SHANK1: variants seen among roughly 807,000 people sequenced by gnomAD.
The protein encoded by SHANK1 is SH3 and multiple ankyrin repeat domains 1.
SHANK1 carries 35 observed loss-of-function variants against 165.6 expected under a neutral mutation model. The ratio of observed to expected loss-of-function variants is 0.21; its 90% confidence interval spans 0.16 to 0.28. The LOEUF (loss-of-function observed/expected upper bound fraction) is 0.28, where lower values mean the gene tolerates loss of function less well. Among genes scored for constraint, SHANK1 ranks in the 10% least tolerant of loss-of-function variants. The pLI is 1.00. For synonymous variants in SHANK1, 1,428 were observed against 1,384.8 expected (o/e 1.03, Z -0.69); for missense variants, 2,681 against 3,036.4 (o/e 0.88, Z 2.75).
At chr19:50,669,772 T>TA (rs398041052) in intron 22 of SHANK1, among the ~76,000 whole-genome samples, 45,849 of 147,316 alleles carry the variant, frequency 0.31, 7,985 homozygotes, top group African/African-American at 0.49. Flanking sequence ...ATTGGATCTA[T>TA]AAAAAAAAAA....
At position 50,669,061 on chromosome 19, in the gene SHANK1, G is replaced by T; in HGVS notation, c.2899C>A (p.Pro967Thr). ...GSGGPLPASS[P>T]ASFDGPSPPD... The stretch of plus-strand genomic sequence containing the variant: ...GGGGAGGGCCCGTCAAAGGATGCAG[G>T]GGAGGAGGCGGGGAGGGGGCCACCA... The change falls in exon 23 of 24, where the codon CCT becomes ACT. Residue 967 changes from proline (P) to threonine (T), a missense_variant. By Grantham distance (38) the Pro-to-Thr change is conservative. Around this residue, in one of 10 missense-constraint regions of SHANK1, gnomAD observed 1,713 missense variants for 1,630.2 expected, o/e 1.05. Transcript: ENST00000293441. 2 of 1,078,060 alleles carry T rather than the reference G, an allele frequency of 1.9e-6. No homozygotes were observed. The highest frequency in any genetic ancestry group is 2.6e-6 in the Non-Finnish European group (2 of 764,414). The allele number at this position is 1,078,060 out of a possible 1,614,324, so 66.8% of individuals were successfully genotyped here.
At chr19:50,663,992 T>G (rs1293834745) in intron 23 of SHANK1, among the ~76,000 whole-genome samples, 2 of 145,628 alleles carry the variant, frequency 1.4e-5, no homozygotes, top group Non-Finnish European at 3.0e-5. Flanking sequence ...CAGGCTGCAG[T>G]GCCTTGGTGT....
chr19:50,673,950 T>C (rs1599845258), intron 21 of SHANK1, among the ~76,000 whole-genome samples: 1 of 151,492 alleles, frequency 6.6e-6, no homozygotes, highest in East Asian at 2.0e-4. Flanking sequence ...CACAATCACA[T>C]CCAGTTAATT....
At chr19:50,719,281 A>AC (rs907506951) in intron 1 of SHANK1, 125 bp downstream of exon 1, 3 of 150,838 alleles carry the variant, frequency 2.0e-5, no homozygotes, top group African/African-American at 7.3e-5. Context: ...CCTCACCCGT[A>AC]CCCCCAGCCG....
Position 50,667,651 on chromosome 19 carries a change from G to T in SHANK1, c.4309C>A (p.Pro1437Thr). The change falls in exon 23 of 24, where the codon CCG (proline) becomes ACG (threonine). Residue 1437 changes from proline to threonine, a missense_variant. Around this residue, in one of 10 missense-constraint regions of SHANK1, gnomAD observed 1,713 missense variants for 1,630.2 expected, o/e 1.05. Transcript: ENST00000293441. This position sits in a 1 kb window ranked among gnomAD's most constrained non-coding sequence, Gnocchi z 5.7. ...GSQEKSLPAS[P>T]PAARRSLLHR... ...AGCAGGGAACGCCGGGCGGCGGGCGGGCTGGCGGGAAGGGACTTCTCCTGG... is the reference window on the plus strand; with the variant it reads ...AGCAGGGAACGCCGGGCGGCGGGCGTGCTGGCGGGAAGGGACTTCTCCTGG... 2 of 1,407,686 alleles carry T rather than the reference G, an allele frequency of 1.4e-6. No individual in the cohort carries two copies. Among genetic ancestry groups the T allele is most frequent in the Non-Finnish European group, 1.8e-6 (2 of 1,090,544 alleles). 87.2% of individuals were successfully genotyped at this position (1,407,686 alleles called of 1,614,324 possible).
At chr19:50,707,150 C>T (rs879726621) in intron 8 of SHANK1, among the ~76,000 whole-genome samples, 1 of 152,194 alleles carries the variant, frequency 6.6e-6, no homozygotes, top group Non-Finnish European at 1.5e-5. Flanking sequence ...TCATTTTCTT[C>T]GTAACCCCGT....
rs1283922064 is a variant in SHANK1, at chr19:50,688,565, C to A, written c.2172+279G>T. 2.0e-5 allele frequency among the ~76,000 whole-genome samples: 3 copies of A among 152,186 alleles called. No individual in the cohort carries two copies. Among genetic ancestry groups the A allele is most frequent in the Non-Finnish European group, 4.4e-5 (3 of 68,030 alleles). ...TCAAGCAATCCACCTGCTTCAGCCT[C>A]CCAAAGCACTGGGATCACAGGCGTG... is the stretch of plus-strand genomic sequence containing the variant. On this transcript the variant is annotated intron_variant, in intron 17 of 23. Transcript: ENST00000293441. This position sits in a 1 kb window ranked among gnomAD's most constrained non-coding sequence, Gnocchi z 6.7.
intron 8 of SHANK1, among the ~76,000 whole-genome samples, chr19:50,708,271 C>T (rs529893232): frequency 1.3e-5 from 2 of 152,198 alleles, no homozygotes; most frequent in Admixed American, 6.5e-5. Flanking sequence ...AGCCCCAACA[C>T]CCACACTGGG....
rs530651818 is a variant in SHANK1, at chr19:50,708,440, A to G, written c.1077+2931T>C. Among the ~76,000 whole-genome samples the G allele has an allele frequency of 7.9e-5, 12 of 152,200 alleles. No individual in the cohort carries two copies. In the South Asian group the frequency reaches 2.5e-3, roughly 32 times the overall value. Reference sequence around the variant, plus strand: ...CTAGCACTTATCTCATGTCGTAGCCATGATTTGCTTACACGTCTGCCTCCT... The same window carrying G: ...CTAGCACTTATCTCATGTCGTAGCCGTGATTTGCTTACACGTCTGCCTCCT... On this transcript the variant is annotated intron_variant, in intron 8 of 23. Transcript: ENST00000293441.
In SHANK1 at chr19:50,712,067, C is replaced by T. The variant is rs202030259; in HGVS notation, c.840G>A (p.Gly280=). 8 of 1,611,932 alleles carry T rather than the reference C, an allele frequency of 5.0e-6. No homozygotes were observed. The African/African-American group carries it at 5.3e-5, about 11-fold the overall frequency. Residue 280 remains glycine, a synonymous_variant, in exon 7 of 24, where the codon GGG becomes GGA. Transcript: ENST00000293441. ...GGSPNYKDRR[G]LTPLFHTAMV... ...TGGCCGTGTGGAACAGAGGGGTCAG[C>T]CCCCGACGGTCCTTGTAGTTGGGGG...
At position 50,716,353 on chromosome 19, in the gene SHANK1, G is replaced by A. The variant is rs377430056; in HGVS notation, c.381C>T (p.Arg127=). 19 of 1,614,080 alleles carry A rather than the reference G, an allele frequency of 1.2e-5. No individual in the cohort carries two copies. Among genetic ancestry groups the A allele is most frequent in the East Asian group, 4.5e-5 (2 of 44,886 alleles). ...TCTCCTCCTCCAGGAAGTTGGCATCGCGGCCGGAGGTGGCCGGTTGGAACA... is the reference window on the plus strand; with the variant it reads ...TCTCCTCCTCCAGGAAGTTGGCATCACGGCCGGAGGTGGCCGGTTGGAACA... ...YGLFQPATSG[R]DANFLEEERL... Residue 127 remains arginine, a synonymous_variant, in exon 3 of 24, where the codon CGC becomes CGT. Coordinates refer to ENST00000293441, the MANE Select transcript of SHANK1 (RefSeq NM_016148.5). The surrounding 1 kb of genome is among the most constrained non-coding windows in gnomAD (Gnocchi z 8.4).
chr19:50,669,045 C>T lies in SHANK1; in HGVS notation c.2915G>A (p.Gly972Glu). Residue 972 changes from glycine to glutamate, a missense_variant, in exon 23 of 24, where the codon GGG (glycine) becomes GAG (glutamate). Coordinates refer to ENST00000293441, the MANE Select transcript of SHANK1 (RefSeq NM_016148.5). ...LPASSPASFD[G>E]PSPPDTRVGS... ...CACGCGAGTGTCGGGAGGGGAGGGC[C>T]CGTCAAAGGATGCAGGGGAGGAGGC... is the stretch of plus-strand genomic sequence containing the variant. The T allele has an allele frequency of 1.1e-6, 1 of 915,430 alleles. No homozygotes were observed. The highest frequency in any genetic ancestry group is 1.6e-6 in the Non-Finnish European group (1 of 625,056). 56.7% of individuals were successfully genotyped at this position (915,430 alleles called of 1,614,324 possible). A position where few individuals can be genotyped will look rare whatever the true frequency, so the allele number is the denominator to read the frequency against.
Position 50,672,119 on chromosome 19 carries a change from G to T in SHANK1, c.2578-5C>A. ...GTGGTGGGGATCGAAGCTCGACTTT[G>T]GAGCGGCAGTCAGAGGGGGAGAGAG... On this transcript the variant is annotated splice_polypyrimidine_tract_variant and splice_region_variant and intron_variant, in intron 21 of 23. Coordinates refer to ENST00000293441, the MANE Select transcript of SHANK1 (RefSeq NM_016148.5). The T allele has an allele frequency of 6.2e-7, 1 of 1,611,336 alleles. No homozygotes were observed.
intron 21 of SHANK1, among the ~76,000 whole-genome samples, chr19:50,676,637 T>A (rs1298399025): frequency 6.6e-6 from 1 of 152,138 alleles, no homozygotes; most frequent in Non-Finnish European, 1.5e-5. Context: ...CTGTCATAAC[T>A]CCTTTAACTG....
At chr19:50,706,046 C>G (rs2088935223) in intron 8 of SHANK1, among the ~76,000 whole-genome samples, 1 of 151,888 alleles carries the variant, frequency 6.6e-6, no homozygotes, top group Non-Finnish European at 1.5e-5. Context: ...GTAGTCCCAA[C>G]TACTTGTGGG....
rs1050285041 is a variant in SHANK1 at position 50,717,144 on chromosome 19, G to A, written c.-43-182C>T. On this transcript the variant is annotated intron_variant, in intron 1 of 23. Transcript: ENST00000293441. The surrounding 1 kb of genome is among the most constrained non-coding windows in gnomAD (Gnocchi z 5.5). Reference sequence around the variant, plus strand: ...CTGCCGCCTCCTCCCACGCTGGCACGCACACACCCCTGTCCCTGACATGCT... The same window carrying A: ...CTGCCGCCTCCTCCCACGCTGGCACACACACACCCCTGTCCCTGACATGCT... 5.3e-5 allele frequency among the ~76,000 whole-genome samples: 8 copies of A among 152,114 alleles called. No homozygotes were observed. Among genetic ancestry groups the A allele is most frequent in the East Asian group, 1.9e-4 (1 of 5,186 alleles).
intron 21 of SHANK1, among the ~76,000 whole-genome samples, chr19:50,679,567 G>A (rs1216518267): frequency 6.6e-6 from 1 of 152,172 alleles, no homozygotes; most frequent in Non-Finnish European, 1.5e-5. Context: ...CTTGCATGAC[G>A]TCACTGGCTG....
intron 15 of SHANK1, among the ~76,000 whole-genome samples, chr19:50,691,872 T>TG (rs1255039493): frequency 6.6e-6 from 1 of 151,896 alleles, no homozygotes; most frequent in Admixed American, 6.6e-5. Context: ...TTGGTAGAGA[T>TG]GGGGGTCTCA....
intron 21 of SHANK1, among the ~76,000 whole-genome samples, chr19:50,675,061 CAAAA>C (rs10560370): frequency 2.1e-3 from 183 of 85,688 alleles, no homozygotes; most frequent in African/African-American, 8.0e-3. Flanking sequence ...CACTCGGTCT[CAAAA>C]AAAAAAAAAA....
Sources: allele counts gnomAD v4.1 joint callset (sites outside exome capture counted in the v4.1 genomes callset), GRCh38; gene constraint gnomAD v4.1.1; regional missense constraint gnomAD v4.1.1; non-coding constraint Gnocchi (gnomAD v3.1); transcripts MANE v1.5; gene names NCBI Gene and HGNC (gene_info 2026-07-23, HGNC 2026-07-21).